Variants in ANKRD42 observed in about 807,000 individuals in gnomAD.
ANKRD42 encodes the protein ankyrin repeat domain 42, also known as ankyrin repeat domain-containing protein 42.
ANKRD42 carries 43 observed loss-of-function variants against 51.5 expected under a neutral mutation model. The ratio of observed to expected loss-of-function variants is 0.83; its 90% CI spans 0.65 to 1.08. The LOEUF is 1.08. Ranked by LOEUF, ANKRD42 falls within the 50% of genes least tolerant of loss-of-function variation. The pLI is 0.00. For missense variants in ANKRD42, 608 were observed against 629.3 expected (o/e 0.97, Z 0.36); for synonymous variants, 203 against 213.0 (o/e 0.95, Z 0.41).
downstream of ANKRD42, among the ~76,000 whole-genome samples, chr11:83,258,845 T>C (rs1161418763): frequency 6.6e-6 from 1 of 152,170 alleles, no homozygotes; most frequent in Non-Finnish European, 1.5e-5. Context: ...GGGTTTTTCC[T>C]GACTCTTGCC....
At chr11:83,256,005 T>A in exon 12 of ANKRD42, 1 of 1,077,760 alleles carries the variant, frequency 9.3e-7, no homozygotes, top group Non-Finnish European at 1.3e-6. Flanking sequence ...AATGTGAGTC[T>A]ATACAAACTA....
intron 5 of ANKRD42, among the ~76,000 whole-genome samples, chr11:83,224,394 G>A (rs2135526405): frequency 6.6e-6 from 1 of 152,174 alleles, no homozygotes; most frequent in South Asian, 2.1e-4. Context: ...TTCTGGGCCT[G>A]CTCTTCGGTG....
chr11:83,251,970 A>G (rs953711390), downstream of ANKRD42, among the ~76,000 whole-genome samples: 1 of 152,240 alleles, frequency 6.6e-6, no homozygotes, highest in Admixed American at 6.5e-5. Context: ...AAGGCAAGCC[A>G]AAGTGTAGAA....
intron 5 of ANKRD42, among the ~76,000 whole-genome samples, chr11:83,218,206 T>A (rs1018824599): frequency 6.6e-6 from 1 of 152,100 alleles, no homozygotes; most frequent in Non-Finnish European, 1.5e-5. Flanking sequence ...AGTTCATAGG[T>A]TTTTCCTAGT....
chr11:83,255,941 A>G, exon 12 of ANKRD42: 1 of 1,510,994 alleles, frequency 6.6e-7, no homozygotes, highest in Non-Finnish European at 8.8e-7. Flanking sequence ...CTAATCAGTG[A>G]AATAACTAAA....
chr11:83,246,875 T>G (rs2135558634), intron 10 of ANKRD42, among the ~76,000 whole-genome samples: 2 of 152,370 alleles, frequency 1.3e-5, no homozygotes, highest in South Asian at 4.1e-4. Context: ...CTTCCATGGA[T>G]GGATACTTGG....
rs749315594 is a variant in ANKRD42 at position 83,194,691 on chromosome 11, A to G, written c.21A>G (p.Ser7=). 6.2e-7 allele frequency: 1 copy of G among 1,613,030 alleles called. No individual in the cohort carries two copies. Among genetic ancestry groups the G allele is most frequent in the South Asian group, 1.1e-5 (1 of 90,994 alleles). Residue 7 remains serine (S), a synonymous_variant, in exon 1 of 11, where the codon TCA becomes TCG. Coordinates refer to ENST00000533342, the MANE Select transcript of ANKRD42 (RefSeq NM_001300975.2). The part of the protein sequence containing the change: MPGVAN[S]GPSTSSRETA... The stretch of plus-strand genomic sequence containing the variant: ...GCGCCATGCCCGGGGTGGCCAATTC[A>G]GGCCCCTCCACTTCCTCTAGGGAGA...
intron 2 of ANKRD42, among the ~76,000 whole-genome samples, chr11:83,199,063 T>C (rs567962329): frequency 6.6e-6 from 1 of 152,352 alleles, no homozygotes; most frequent in East Asian, 1.9e-4. Flanking sequence ...ACATGTGAGC[T>C]AGTTTCTACT....
chr11:83,226,356 T>C (rs1862885650), intron 6 of ANKRD42, among the ~76,000 whole-genome samples: 1 of 152,218 alleles, frequency 6.6e-6, no homozygotes, highest in African/African-American at 2.4e-5. Flanking sequence ...ATGCCAGACA[T>C]GATAGTAAGC....
exon 12 of ANKRD42, chr11:83,255,940 G>A (rs764157411): frequency 1.3e-6 from 2 of 1,515,024 alleles, no homozygotes; most frequent in South Asian, 2.5e-5. Flanking sequence ...ACTAATCAGT[G>A]AAATAACTAA....
intron 2 of ANKRD42, 144 bp downstream of exon 2, chr11:83,198,786 A>G (rs1478978333): frequency 1.5e-6 from 1 of 674,680 alleles, no homozygotes; most frequent in African/African-American, 1.9e-5. Flanking sequence ...TGGGTATTCC[A>G]CTTTGCTAGG....
chr11:83,212,865 T>G, intron 5 of ANKRD42: 3 of 1,431,400 alleles, frequency 2.1e-6, no homozygotes, highest in Non-Finnish European at 2.7e-6. Flanking sequence ...ATCTGAAAAT[T>G]TATTTTGTTC....
At chr11:83,227,958 G>A in intron 7 of ANKRD42, 86 bp downstream of exon 7, 1 of 1,457,786 alleles carries the variant, frequency 6.9e-7, no homozygotes, top group Non-Finnish European at 9.1e-7. Flanking sequence ...AGAAACACAT[G>A]AAACATGAAA....
chr11:83,258,446 G>C (rs893577590), downstream of ANKRD42, among the ~76,000 whole-genome samples: 4 of 152,214 alleles, frequency 2.6e-5, no homozygotes, highest in Admixed American at 1.3e-4. Context: ...AACCCTACTA[G>C]TATATTGAGT....
intron 5 of ANKRD42, among the ~76,000 whole-genome samples, chr11:83,215,986 G>A (rs1862514669): frequency 6.6e-6 from 1 of 152,066 alleles, no homozygotes; most frequent in Non-Finnish European, 1.5e-5. Flanking sequence ...ATAGAGATGG[G>A]GTTTCACCAT....
chr11:83,250,627 C>T (rs1863657907), downstream of ANKRD42, among the ~76,000 whole-genome samples: 1 of 152,232 alleles, frequency 6.6e-6, no homozygotes, highest in Non-Finnish European at 1.5e-5. Context: ...CTGTATTTCC[C>T]ACTGCTCGTC....
downstream of ANKRD42, chr11:83,257,177 A>C: frequency 2.7e-6 from 1 of 374,606 alleles, no homozygotes; most frequent in East Asian, 7.6e-5. Context: ...TGTCAGGGCA[A>C]ACTAGTTCTG....
chr11:83,212,030 T>C (rs1862342171), intron 5 of ANKRD42, among the ~76,000 whole-genome samples: 1 of 152,132 alleles, frequency 6.6e-6, no homozygotes, highest in African/African-American at 2.4e-5. Context: ...ATCTAGTGTT[T>C]TTATTTTTTA....
At chr11:83,211,120 A>C (rs530555713) in intron 4 of ANKRD42, 175 bp from the exon 5 acceptor site, 411 of 801,870 alleles carry the variant, frequency 5.1e-4, no homozygotes, top group Non-Finnish European at 6.8e-4. Context: ...CTGTTTTATA[A>C]AATTTTATTA....
Sources: gnomAD v4.1 joint callset for allele counts (sites outside exome capture counted in the v4.1 genomes callset) on GRCh38, gnomAD v4.1.1 for gene constraint, MANE v1.5 for transcripts, NCBI Gene and HGNC (gene_info 2026-07-23, HGNC 2026-07-21) for gene names.